The following PRIM2 variants were observed in gnomAD, a reference collection of about 807,000 sequenced individuals.
The protein encoded by PRIM2 is DNA primase large subunit.
Under a neutral mutation model 67.3 loss-of-function variants are expected in PRIM2, and 39 were observed. The ratio of observed to expected loss-of-function variants is 0.58; its 90% CI spans 0.45 to 0.76. The LOEUF (loss-of-function observed/expected upper bound fraction) is 0.76. PRIM2 is among the 30% of genes least tolerant of loss of function. The pLI, the probability that PRIM2 is intolerant of heterozygous loss-of-function variation, is 0.00. For synonymous variants in PRIM2, 143 were observed against 198.7 expected, an observed-to-expected ratio of 0.72 and a Z score of 2.36; for missense variants, 398 against 598.7, an observed-to-expected ratio of 0.66 and a Z score of 3.50.
At chr6:57,365,982 GAATA>G (rs1258473546) in intron 5 of PRIM2, among the ~76,000 whole-genome samples, 2 of 150,130 alleles carry the variant, frequency 1.3e-5, no homozygotes, top group Non-Finnish European at 3.0e-5. Context: ...AAAGAACTGG[GAATA>G]TAATCGTTAT....
At chr6:57,467,400 T>G (rs1773230927) in intron 7 of PRIM2, among the ~76,000 whole-genome samples, 2 of 152,186 alleles carry the variant, frequency 1.3e-5, no homozygotes, top group Non-Finnish European at 2.9e-5. Flanking sequence ...CCCCATTGCT[T>G]GTTTTTGTCA....
chr6:57,426,846 T>C (rs1179988902), intron 7 of PRIM2, among the ~76,000 whole-genome samples: 2 of 152,218 alleles, frequency 1.3e-5, no homozygotes, highest in Non-Finnish European at 2.9e-5. Context: ...TGTACAATTT[T>C]CCGAAATTTT....
intron 5 of PRIM2, among the ~76,000 whole-genome samples, chr6:57,336,548 C>A (rs1281279994): frequency 6.6e-6 from 1 of 152,074 alleles, no homozygotes; most frequent in African/African-American, 2.4e-5. Flanking sequence ...GAGTGGGGGC[C>A]AATATTCAAC....
intron 12 of PRIM2, among the ~76,000 whole-genome samples, chr6:57,622,690 C>A (rs1451102262): frequency 6.6e-6 from 1 of 152,008 alleles, no homozygotes; most frequent in African/African-American, 2.4e-5. Flanking sequence ...CTAATTGGTG[C>A]TTCTAAGAAA....
At chr6:57,359,062 C>T (rs978365296) in intron 5 of PRIM2, among the ~76,000 whole-genome samples, 11 of 152,362 alleles carry the variant, frequency 7.2e-5, no homozygotes, top group African/African-American at 2.6e-4. Flanking sequence ...TCATCTTCTC[C>T]AGCTGAAACT....
At chr6:57,322,907 A>G (rs142258675) in intron 3 of PRIM2, among the ~76,000 whole-genome samples, 1 of 152,290 alleles carries the variant, frequency 6.6e-6, no homozygotes, top group Non-Finnish European at 1.5e-5. Flanking sequence ...TCTTGGGACA[A>G]CTGGTGAAGA....
At chr6:57,431,076 G>T (rs555866946) in intron 7 of PRIM2, among the ~76,000 whole-genome samples, 1 of 152,212 alleles carries the variant, frequency 6.6e-6, no homozygotes, top group African/African-American at 2.4e-5. Context: ...GAGTGAACAT[G>T]TGTACACACA....
At chr6:57,388,044 A>C (rs1219262902) in intron 7 of PRIM2, among the ~76,000 whole-genome samples, 1 of 152,206 alleles carries the variant, frequency 6.6e-6, no homozygotes, top group Non-Finnish European at 1.5e-5. Flanking sequence ...AGAATCAAAA[A>C]GGCCAGTGTA....
At chr6:57,245,714 A>G in the PRIM2 span, among the ~76,000 whole-genome samples, 1 of 152,178 alleles carries the variant, frequency 6.6e-6, no homozygotes, top group African/African-American at 2.4e-5. Context: ...GGATCAAACA[A>G]TAGCTCAGTA....
At chr6:57,301,127 T>A in the PRIM2 span, among the ~76,000 whole-genome samples, 1 of 152,224 alleles carries the variant, frequency 6.6e-6, no homozygotes, top group African/African-American at 2.4e-5. Flanking sequence ...GAAAGACTGT[T>A]GTCAGTCAGA....
At position 57,542,939 on chromosome 6, in the gene PRIM2, A is replaced by ATTTTTTTTTTTT. The variant is rs1193756482; in HGVS notation, c.1020+5322_1020+5333dup. On this transcript the variant is annotated intron_variant, in intron 10 of 13. Transcript: ENST00000615550. ...GTTGGCTTAAAATACTGCTTATAGG[A>ATTTTTTTTTTTT]TTTTTTTTTTTTTTTTTTTGAGACG... 1.5e-3 allele frequency among the ~76,000 whole-genome samples: 108 copies of ATTTTTTTTTTTT among 71,886 alleles called. 19 individuals are homozygous for ATTTTTTTTTTTT. Among genetic ancestry groups the ATTTTTTTTTTTT allele is most frequent in the African/African-American group, 5.0e-3 (74 of 14,770 alleles). The allele number at this position is 71,886 out of a possible 152,430, so 47.2% of individuals were successfully genotyped here. A position where few individuals can be genotyped will look rare whatever the true frequency, so the allele number is the denominator to read the frequency against.
chr6:57,235,699 G>C, the PRIM2 span, among the ~76,000 whole-genome samples: 1 of 152,164 alleles, frequency 6.6e-6, no homozygotes, highest in Admixed American at 6.5e-5. Context: ...TTGTGAGATG[G>C]GGAGATTGTG....
chr6:57,354,527 C>A (rs1473213510), intron 5 of PRIM2, among the ~76,000 whole-genome samples: 1 of 151,864 alleles, frequency 6.6e-6, no homozygotes, highest in African/African-American at 2.4e-5. Flanking sequence ...CCTTCTTAAA[C>A]CTAAGAAGCA....
chr6:57,521,580 T>C (rs1356338796), intron 8 of PRIM2, among the ~76,000 whole-genome samples: 7 of 152,184 alleles, frequency 4.6e-5, no homozygotes, highest in African/African-American at 1.7e-4. Context: ...ACAGTTCATT[T>C]TGAAAGATGT....
chr6:57,469,096 C>T (rs1489815194), intron 7 of PRIM2, among the ~76,000 whole-genome samples: 3 of 152,184 alleles, frequency 2.0e-5, no homozygotes, highest in Admixed American at 6.5e-5. Flanking sequence ...TCCTTATCAT[C>T]ACCGTTGTGA....
chr6:57,330,349 T>G lies in PRIM2; in HGVS notation c.459+4304T>G, dbSNP rs866661225. Among the ~76,000 whole-genome samples the G allele has an allele frequency of 1.9e-3, 69 of 37,292 alleles. 1 individual carries two copies. In the East Asian group the frequency reaches 0.019, roughly 10 times the overall value. 24.5% of individuals were successfully genotyped at this position (37,292 alleles called of 152,430 possible). On this transcript the variant is annotated intron_variant, in intron 5 of 13. Coordinates refer to ENST00000615550, the MANE Select transcript of PRIM2 (RefSeq NM_000947.5). ...GTATCCTGCAACCTTGCTGAACTTG[T>G]TTTTTTTTTTTGTTTTTGTTTTTTT... is the stretch of plus-strand genomic sequence containing the variant.
At chr6:57,620,786 G>A (rs1776838816) in intron 12 of PRIM2, among the ~76,000 whole-genome samples, 1 of 152,248 alleles carries the variant, frequency 6.6e-6, no homozygotes, top group Non-Finnish European at 1.5e-5. Flanking sequence ...GTACAGAACT[G>A]CAGAATGCAT....
At chr6:57,296,798 G>A in the PRIM2 span, among the ~76,000 whole-genome samples, 1 of 152,056 alleles carries the variant, frequency 6.6e-6, no homozygotes, top group Non-Finnish European at 1.5e-5. Context: ...AAGAACCAGG[G>A]CTCTTTGGAA....
intron 9 of PRIM2, 112 bp from the exon 10 acceptor site, chr6:57,537,328 A>G: frequency 3.7e-6 from 2 of 533,874 alleles, no homozygotes; most frequent in Non-Finnish European, 6.2e-6. Context: ...GCACTTTCTT[A>G]TGGTGTTTTT....
Sources: allele counts gnomAD v4.1 joint callset (sites outside exome capture counted in the v4.1 genomes callset), GRCh38; gene constraint gnomAD v4.1.1; transcripts MANE v1.5; gene names NCBI Gene and HGNC (gene_info 2026-07-23, HGNC 2026-07-21).